The following RANBP2 variants were observed in gnomAD, a reference collection of about 807,000 sequenced individuals.
RANBP2 encodes E3 SUMO-protein ligase RanBP2.
In RANBP2, 57 loss-of-function variants were observed where a neutral mutation model predicts 303.6. That is an observed-to-expected ratio of 0.19 (90% CI 0.15 to 0.23). The LOEUF (loss-of-function observed/expected upper bound fraction) is 0.23. RANBP2 is among the 10% of genes least tolerant of loss of function. RANBP2 has a pLI of 1.00. For missense variants in RANBP2, 3,138 were observed against 3,780.8 expected (o/e 0.83, Z 4.46); for synonymous variants, 1,167 against 1,301.5 (o/e 0.90, Z 2.23).
chr2:109,514,401 C>A, the RANBP2 span, among the ~76,000 whole-genome samples: 1 of 152,192 alleles, frequency 6.6e-6, no homozygotes, highest in Non-Finnish European at 1.5e-5. Context: ...ATCCGCCCAC[C>A]GCCCCCAGGG....
the RANBP2 span, among the ~76,000 whole-genome samples, chr2:109,386,480 G>A: frequency 6.6e-6 from 1 of 151,812 alleles, no homozygotes; most frequent in Non-Finnish European, 1.5e-5. Context: ...CAATAGCTCA[G>A]CAGGCGGGCT....
the RANBP2 span, among the ~76,000 whole-genome samples, chr2:109,717,335 A>T: frequency 6.6e-6 from 1 of 150,902 alleles, no homozygotes; most frequent in South Asian, 2.1e-4. Flanking sequence ...TAATCCCAGC[A>T]CTTTGGGAGG....
intron 23 of RANBP2, 105 bp downstream of exon 23, chr2:108,773,151 CTT>C (rs1677630462): frequency 7.9e-7 from 1 of 1,273,092 alleles, no homozygotes; most frequent in East Asian, 2.5e-5. Context: ...GAATTTTACT[CTT>C]GTTGCCCAGG....
chr2:109,424,733 T>C, the RANBP2 span, among the ~76,000 whole-genome samples: 1 of 152,210 alleles, frequency 6.6e-6, no homozygotes, highest in South Asian at 2.1e-4. Context: ...ATGTGTATGT[T>C]CTGACGGCTC....
chr2:109,447,527 C>G, the RANBP2 span, among the ~76,000 whole-genome samples: 1 of 152,156 alleles, frequency 6.6e-6, no homozygotes, highest in African/African-American at 2.4e-5. Flanking sequence ...TAATTTTTCT[C>G]TGCCTTAAGA....
At chr2:109,761,582 G>A in the RANBP2 span, among the ~76,000 whole-genome samples, 1 of 148,268 alleles carries the variant, frequency 6.7e-6, no homozygotes, top group African/African-American at 2.5e-5. Context: ...AATTCCAGTT[G>A]CGGGTGTCTT....
chr2:109,215,747 G>A, the RANBP2 span, among the ~76,000 whole-genome samples: 6 of 152,296 alleles, frequency 3.9e-5, no homozygotes, highest in African/African-American at 1.4e-4. Context: ...ACATCTAATG[G>A]GGGACATCGC....
chr2:109,248,970 C>T, the RANBP2 span, among the ~76,000 whole-genome samples: 1 of 151,836 alleles, frequency 6.6e-6, no homozygotes, highest in African/African-American at 2.4e-5. Context: ...CAGCCTCCAA[C>T]TCCTGGGCCT....
the RANBP2 span, chr2:109,449,095 A>C: frequency 7.9e-6 from 12 of 1,513,600 alleles, no homozygotes; most frequent in South Asian, 6.5e-5. Flanking sequence ...CTGAGTGTGC[A>C]TTGCAGCTGC....
chr2:109,577,348 C>G, the RANBP2 span, among the ~76,000 whole-genome samples: 1 of 152,102 alleles, frequency 6.6e-6, no homozygotes, highest in Non-Finnish European at 1.5e-5. Context: ...AATTCCAGCA[C>G]TTTGGGAGGT....
At chr2:108,863,556 T>G in the RANBP2 span, among the ~76,000 whole-genome samples, 1 of 152,090 alleles carries the variant, frequency 6.6e-6, no homozygotes, top group African/African-American at 2.4e-5. Context: ...AGACTTGGGG[T>G]TTTTTATGTA....
the RANBP2 span, among the ~76,000 whole-genome samples, chr2:108,995,450 A>G: frequency 6.6e-6 from 1 of 152,216 alleles, no homozygotes; most frequent in Admixed American, 6.5e-5. Context: ...TTCACCTGCT[A>G]TGGATATGAA....
the RANBP2 span, chr2:109,616,877 T>G: frequency 3.6e-5 from 6 of 167,166 alleles, 1 homozygote; most frequent in African/African-American, 1.4e-4. Flanking sequence ...GTTGCCTCTC[T>G]TTCGGATTCT....
At chr2:109,704,838 C>T in the RANBP2 span, among the ~76,000 whole-genome samples, 1 of 151,424 alleles carries the variant, frequency 6.6e-6, no homozygotes, top group African/African-American at 2.4e-5. Context: ...GTGACAGGAA[C>T]GAAACTTCAT....
chr2:109,555,486 A>G, the RANBP2 span, among the ~76,000 whole-genome samples: 2 of 152,274 alleles, frequency 1.3e-5, no homozygotes, highest in African/African-American at 4.8e-5. Context: ...TTGCAGGCCA[A>G]AAGAATGAGG....
chr2:108,790,626 C>T (rs920578572), downstream of RANBP2, among the ~76,000 whole-genome samples: 7 of 152,090 alleles, frequency 4.6e-5, no homozygotes, highest in Non-Finnish European at 8.8e-5. Context: ...TGCTTGGACC[C>T]GGAGGCAGAG....
the RANBP2 span, among the ~76,000 whole-genome samples, chr2:109,444,573 C>A: frequency 6.6e-6 from 1 of 152,194 alleles, no homozygotes; most frequent in African/African-American, 2.4e-5. Flanking sequence ...GAAGAGAGAG[C>A]CCCAACCCTG....
chr2:108,974,067 C>T, the RANBP2 span, among the ~76,000 whole-genome samples: 29,956 of 151,788 alleles, frequency 0.2, 4,454 homozygotes, highest in East Asian at 0.84. Context: ...CGGTGGCTCA[C>T]GCCTGTAATC....
Position 108,777,119 on chromosome 2 carries a change from T to C in RANBP2, c.8498-11T>C, listed in dbSNP as rs746003606. On this transcript the variant is annotated splice_polypyrimidine_tract_variant and intron_variant, in intron 24 of 28. Coordinates refer to ENST00000283195, the MANE Select transcript of RANBP2 (RefSeq NM_006267.5). ...ATTAAATAGTAAATTGTTCTTTTTT[T>C]CTTTTGCCAGGGGAAAGCAAGATAG... 1 of 1,611,676 alleles carries C rather than the reference T, an allele frequency of 6.2e-7. No homozygotes were observed. The highest frequency in any genetic ancestry group is 8.5e-7 in the Non-Finnish European group (1 of 1,178,218).
Sources: gnomAD v4.1 joint callset for allele counts (sites outside exome capture counted in the v4.1 genomes callset) on GRCh38, gnomAD v4.1.1 for gene constraint, MANE v1.5 for transcripts, NCBI Gene and HGNC (gene_info 2026-07-23, HGNC 2026-07-21) for gene names.